Variants in CDH1 observed in about 807,000 individuals in gnomAD.
CDH1 encodes cadherin-1.
In CDH1, 35 loss-of-function variants were observed where a neutral mutation model predicts 84.5. The observed-to-expected ratio is 0.41, with a 90% confidence interval of 0.32 to 0.55. The LOEUF (loss-of-function observed/expected upper bound fraction) is 0.55, where lower values mean the gene tolerates loss of function less well. CDH1 is among the 20% of genes least tolerant of loss of function. The pLI, the probability that CDH1 is intolerant of heterozygous loss-of-function variation, is 0.19. For synonymous variants in CDH1, 417 were observed against 439.0 expected, an observed-to-expected ratio of 0.95 and a Z score of 0.63; for missense variants, 994 against 1,126.6, an observed-to-expected ratio of 0.88 and a Z score of 1.68.
At chr16:68,759,420 CTTG>C (rs1963102231) in intron 2 of CDH1, among the ~76,000 whole-genome samples, 1 of 150,908 alleles carries the variant, frequency 6.6e-6, no homozygotes, top group Non-Finnish European at 1.5e-5. Flanking sequence ...CATGTATGAT[CTTG>C]TTTTTTTAAT....
At position 68,738,406 on chromosome 16, in the gene CDH1, G is replaced by A. The variant is rs876659692; in HGVS notation, c.158G>A (p.Gly53Asp). The A allele has an allele frequency of 6.5e-7, 1 of 1,545,422 alleles. No homozygotes were observed. Among genetic ancestry groups the A allele is most frequent in the South Asian group, 1.2e-5 (1 of 83,646 alleles). Reference sequence around the variant, plus strand: ...CACCTGGAGAGAGGCCGCGTCCTGGGCAGAGGTGAGGGCGCGCTGCCGGTG... The same window carrying A: ...CACCTGGAGAGAGGCCGCGTCCTGGACAGAGGTGAGGGCGCGCTGCCGGTG... ...RRHLERGRVL[G>D]RVNFEDCTGR... Residue 53 changes from glycine to aspartate, a missense_variant, in exon 2 of 16, where the codon GGC becomes GAC. Physicochemically the swap from Gly to Asp is moderately conservative, Grantham distance 94. Around this residue, in one of 3 missense-constraint regions of CDH1, gnomAD observed 203 missense variants for 194.0 expected, o/e 1.05. Coordinates refer to ENST00000261769, the MANE Select transcript of CDH1 (RefSeq NM_004360.5).
chr16:68,771,209 A>G (rs1439205374), intron 2 of CDH1: 9 of 152,230 alleles, frequency 5.9e-5, no homozygotes, highest in African/African-American at 2.2e-4. Flanking sequence ...TGCTACTCAC[A>G]CCTACGCTTT....
Position 68,737,442 on chromosome 16 carries a change from G to A in CDH1, c.27G>A (p.Ser9=), listed in dbSNP as rs786201257. ...TGGGCCCTTGGAGCCGCAGCCTCTC[G>A]GCGCTGCTGCTGCTGCTGCAGGTAC... MGPWSRSL[S]ALLLLLQVSS... Residue 9 remains serine, a synonymous_variant, in exon 1 of 16, where the codon TCG becomes TCA. Transcript: ENST00000261769. The A allele has an allele frequency of 9.8e-6, 15 of 1,535,538 alleles. No individual in the cohort carries two copies. The highest frequency in any genetic ancestry group is 1.1e-5 in the Non-Finnish European group (13 of 1,147,514).
chr16:68,778,875 G>A (rs531130559), intron 2 of CDH1, among the ~76,000 whole-genome samples: 1 of 152,168 alleles, frequency 6.6e-6, no homozygotes, highest in Admixed American at 6.5e-5. Flanking sequence ...ATTGATTGAG[G>A]GGGAGAGAGG....
chr16:68,745,548 A>T (rs866849411), intron 2 of CDH1, among the ~76,000 whole-genome samples: 28,075 of 72,438 alleles, frequency 0.39, 4,376 homozygotes, highest in Non-Finnish European at 0.46. Flanking sequence ...AAAAAAAAAA[A>T]AATATATATA....
At chr16:68,826,104 G>A (rs914975427) in intron 13 of CDH1, among the ~76,000 whole-genome samples, 3 of 152,032 alleles carry the variant, frequency 2.0e-5, no homozygotes, top group Non-Finnish European at 4.4e-5. Flanking sequence ...ATAGGCATGA[G>A]CCACTGTGCC....
At chr16:68,769,623 C>T in intron 2 of CDH1, among the ~76,000 whole-genome samples, 1 of 151,818 alleles carries the variant, frequency 6.6e-6, no homozygotes, top group East Asian at 2.0e-4. Flanking sequence ...CATGTAATTT[C>T]ATAATTAAAA....
At chr16:68,753,987 C>T (rs1962954456) in intron 2 of CDH1, among the ~76,000 whole-genome samples, 1 of 151,574 alleles carries the variant, frequency 6.6e-6, no homozygotes, top group Non-Finnish European at 1.5e-5. Flanking sequence ...GGCGTAGTGG[C>T]AGGCGCCTAT....
chr16:68,798,078 CAA>C (rs71148950), intron 2 of CDH1, among the ~76,000 whole-genome samples: 8 of 139,168 alleles, frequency 5.7e-5, no homozygotes, highest in East Asian at 2.1e-4. Flanking sequence ...CACTCTGTCT[CAA>C]AAAAAAAAAA....
At position 68,808,479 on chromosome 16, in the gene CDH1, G is replaced by C. The variant is rs1960726961; in HGVS notation, c.443G>C (p.Gly148Ala). 3 of 1,613,924 alleles carry C rather than the reference G, an allele frequency of 1.9e-6. No individual in the cohort carries two copies. The highest frequency in any genetic ancestry group is 2.5e-6 in the Non-Finnish European group (3 of 1,179,846). Reference protein sequence around the residue: ...ELLTFPNSSPGLRRQKRDWVI... With the variant: ...ELLTFPNSSPALRRQKRDWVI... ...CTCACATTTCCCAACTCCTCTCCTG[G>C]CCTCAGAAGACAGAAGAGAGACTGG... Residue 148 changes from glycine to alanine, a missense_variant, in exon 4 of 16, where the codon GGC becomes GCC. Gly to Ala is a moderately conservative substitution (Grantham distance 60). Transcript: ENST00000261769.
chr16:68,772,145 C>T (rs1192771623), intron 2 of CDH1, among the ~76,000 whole-genome samples: 2 of 152,224 alleles, frequency 1.3e-5, no homozygotes, highest in Admixed American at 6.5e-5. Flanking sequence ...CTTAAGGACT[C>T]AGGGTCTAGG....
intron 2 of CDH1, among the ~76,000 whole-genome samples, chr16:68,772,001 A>G (rs972998606): frequency 2.3e-4 from 35 of 152,204 alleles, no homozygotes; most frequent in Non-Finnish European, 1.2e-4. Context: ...ATATGAGGAA[A>G]TCGAGGCAGG....
At chr16:68,807,270 G>A (rs547353214) in intron 3 of CDH1, among the ~76,000 whole-genome samples, 1 of 152,178 alleles carries the variant, frequency 6.6e-6, no homozygotes, top group South Asian at 2.1e-4. Flanking sequence ...TAATGATACA[G>A]TGAGATGAAG....
intron 11 of CDH1, among the ~76,000 whole-genome samples, chr16:68,820,715 ATTAG>A (rs975054682): frequency 4.6e-5 from 7 of 151,964 alleles, no homozygotes; most frequent in Admixed American, 6.6e-5. Flanking sequence ...TGTGGGTGAA[ATTAG>A]TTAGGTGTTA....
At chr16:68,818,557 A>T (rs1157712480) in intron 10 of CDH1, among the ~76,000 whole-genome samples, 1 of 141,636 alleles carries the variant, frequency 7.1e-6, no homozygotes, top group African/African-American at 2.6e-5. Flanking sequence ...TTTTTTAAAG[A>T]CGGAGTTTCG....
chr16:68,747,263 C>T (rs1962769419), intron 2 of CDH1, among the ~76,000 whole-genome samples: 1 of 152,040 alleles, frequency 6.6e-6, no homozygotes, highest in Non-Finnish European at 1.5e-5. Context: ...AAAGGTGTGG[C>T]AGGGTCATGG....
At chr16:68,741,139 G>A (rs998974461) in intron 2 of CDH1, among the ~76,000 whole-genome samples, 7 of 151,942 alleles carry the variant, frequency 4.6e-5, no homozygotes, top group East Asian at 1.9e-4. Flanking sequence ...CACAGAATCC[G>A]CAGGCCTCTG....
chr16:68,800,069 C>G (rs1259829089), intron 2 of CDH1, among the ~76,000 whole-genome samples: 1 of 150,532 alleles, frequency 6.6e-6, no homozygotes, highest in Non-Finnish European at 1.5e-5. Context: ...GCTGGGCACA[C>G]TGGCTTATGC....
At chr16:68,752,973 C>A (rs1471257483) in intron 2 of CDH1, among the ~76,000 whole-genome samples, 1 of 152,096 alleles carries the variant, frequency 6.6e-6, no homozygotes, top group African/African-American at 2.4e-5. Context: ...GTTCAAGAAC[C>A]GATGTCTGTT....
Sources: allele counts gnomAD v4.1 joint callset (sites outside exome capture counted in the v4.1 genomes callset), GRCh38; gene constraint gnomAD v4.1.1; regional missense constraint gnomAD v4.1.1; transcripts MANE v1.5; gene names NCBI Gene and HGNC (gene_info 2026-07-23, HGNC 2026-07-21).